The following CNR1 variants were observed in gnomAD, a reference collection of about 807,000 sequenced individuals.
CNR1 encodes cannabinoid receptor 1 (brain).
Under a neutral mutation model 23.0 loss-of-function variants are expected in CNR1, and 10 were observed. That is an observed-to-expected ratio of 0.43 (90% confidence interval 0.27 to 0.74). CNR1 has a LOEUF of 0.74. CNR1 is among the 30% of genes least tolerant of loss of function. The pLI, the probability that CNR1 is intolerant of heterozygous loss-of-function variation, is 0.19. For synonymous variants in CNR1, 271 were observed against 255.2 expected, an observed-to-expected ratio of 1.06 and a Z score of -0.59; for missense variants, 422 against 618.8, an observed-to-expected ratio of 0.68 and a Z score of 3.37.
In CNR1 at chr6:88,145,090, A is replaced by G. The variant is rs191458319; in HGVS notation, c.185T>C (p.Met62Thr). The change falls in exon 2 of 2, where the codon ATG (methionine) becomes ACG (threonine). Residue 62 changes from methionine to threonine, a missense_variant. Physicochemically the swap from Met to Thr is moderately conservative, Grantham distance 81 (BLOSUM62 -1). Around this residue, in one of 4 missense-constraint regions of CNR1, gnomAD observed 120 missense variants for 117.6 expected, o/e 1.02. Coordinates refer to ENST00000369501, the MANE Select transcript of CNR1 (RefSeq NM_016083.6). ...TAGCTGGGGGTTGTCTCCCGCAGTC[A>G]TCTTCTCTTGGAAGGGACTTCCCCT... ...SFRGSPFQEK[M>T]TAGDNPQLVP... The G allele has an allele frequency of 5.0e-6, 8 of 1,614,208 alleles. No homozygotes were observed. In the Admixed American group the frequency reaches 1.0e-4, roughly 20 times the overall value.
At chr6:88,150,743 T>C (rs1777475693) in intron 1 of CNR1, among the ~76,000 whole-genome samples, 1 of 152,222 alleles carries the variant, frequency 6.6e-6, no homozygotes, top group Non-Finnish European at 1.5e-5. Context: ...AAAGCTAGGT[T>C]TGTGGATGTG....
chr6:88,157,977 C>G (rs1028708061), intron 1 of CNR1, among the ~76,000 whole-genome samples: 1 of 152,116 alleles, frequency 6.6e-6, no homozygotes, highest in Non-Finnish European at 1.5e-5. Flanking sequence ...TTTATTATTG[C>G]GTAAATCCGG....
chr6:88,148,633 C>A (rs750133604), intron 1 of CNR1, among the ~76,000 whole-genome samples: 1 of 152,024 alleles, frequency 6.6e-6, no homozygotes, highest in Non-Finnish European at 1.5e-5. Flanking sequence ...TAGAAATATG[C>A]TCTATTTAGG....
chr6:88,158,671 C>T (rs545666762), intron 1 of CNR1, among the ~76,000 whole-genome samples: 1 of 152,096 alleles, frequency 6.6e-6, no homozygotes, highest in Non-Finnish European at 1.5e-5. Context: ...TTAAGAACCA[C>T]TGTGAAAGAT....
At chr6:88,150,019 C>T (rs1015127058) in intron 1 of CNR1, among the ~76,000 whole-genome samples, 1 of 152,132 alleles carries the variant, frequency 6.6e-6, no homozygotes, top group African/African-American at 2.4e-5. Flanking sequence ...TTAGGTGGTA[C>T]CTTAAAACAG....
In CNR1 at chr6:88,145,092, C is replaced by T; in HGVS notation, c.183G>A (p.Lys61=). The T allele has an allele frequency of 6.2e-7, 1 of 1,614,184 alleles. No individual in the cohort carries two copies. Among genetic ancestry groups the T allele is most frequent in the Non-Finnish European group, 8.5e-7 (1 of 1,180,038 alleles). The change falls in exon 2 of 2, where the codon AAG becomes AAA. Residue 61 remains lysine (K), a synonymous_variant. Transcript: ENST00000369501. Reference sequence around the variant, plus strand: ...GCTGGGGGTTGTCTCCCGCAGTCATCTTCTCTTGGAAGGGACTTCCCCTAA... The same window carrying T: ...GCTGGGGGTTGTCTCCCGCAGTCATTTTCTCTTGGAAGGGACTTCCCCTAA... ...TSFRGSPFQE[K]MTAGDNPQLV... is the part of the protein sequence containing the mutation.
At chr6:88,158,006 T>C (rs1777890299) in intron 1 of CNR1, among the ~76,000 whole-genome samples, 1 of 152,216 alleles carries the variant, frequency 6.6e-6, no homozygotes, top group African/African-American at 2.4e-5. Flanking sequence ...TCAGACATTA[T>C]TTTAAGAACT....
In CNR1 at chr6:88,144,606, G is replaced by A. The variant is rs574184590; in HGVS notation, c.669C>T (p.Ala223=). Residue 223 remains alanine, a synonymous_variant, in exon 2 of 2, where the codon GCC becomes GCT. Transcript: ENST00000369501. The surrounding 1 kb of genome is among the most constrained non-coding windows in gnomAD (Gnocchi z 7.8). ...DRYISIHRPL[A]YKRIVTRPKA... is the part of the protein sequence containing the mutation. ...TGGGCCTGGTGACAATCCTCTTATA[G>A]GCCAGGGGCCTGTGAATGGATATGT... 1.1e-5 allele frequency: 18 copies of A among 1,614,240 alleles called. No individual in the cohort carries two copies. The South Asian group carries it at 1.8e-4, about 16-fold the overall frequency.
At chr6:88,156,741 C>T (rs547611612) in intron 1 of CNR1, among the ~76,000 whole-genome samples, 1 of 152,272 alleles carries the variant, frequency 6.6e-6, no homozygotes, top group African/African-American at 2.4e-5. Context: ...GTATTCAATA[C>T]CTGTTTACTA....
intron 1 of CNR1, among the ~76,000 whole-genome samples, chr6:88,148,566 G>T (rs534036546): frequency 1.3e-5 from 2 of 152,106 alleles, no homozygotes; most frequent in African/African-American, 4.8e-5. Flanking sequence ...AAAAAAAAAT[G>T]ATCATGTAAC....
intron 1 of CNR1, among the ~76,000 whole-genome samples, chr6:88,147,256 G>A (rs942856352): frequency 2.6e-5 from 4 of 152,244 alleles, no homozygotes; most frequent in African/African-American, 9.6e-5. Flanking sequence ...AGGTTGCAGT[G>A]AGGCGAGATT....
chr6:88,152,146 C>A (rs552761703), intron 1 of CNR1, among the ~76,000 whole-genome samples: 1 of 142,400 alleles, frequency 7.0e-6, no homozygotes, highest in Non-Finnish European at 1.5e-5. Context: ...ACCCGGGAGG[C>A]GGAGCTTGCA....
rs1778346151 is a variant in CNR1, at chr6:88,165,899, AC to A, written c.-161del. On this transcript the variant is annotated 5_prime_UTR_variant, in exon 1 of 2. Transcript: ENST00000369501. ...CGCTAGAACGAAATATCCCCCACTG[AC>A]TACGGAGAGCTCTGCAGGGAGCCGA... is the stretch of plus-strand genomic sequence containing the variant. 6.6e-6 allele frequency: 1 copy of A among 152,530 alleles called. No homozygotes were observed. The highest frequency in any genetic ancestry group is 2.1e-4 in the South Asian group (1 of 4,844). The allele number at this position is 152,530 out of a possible 1,614,324, so 9.4% of individuals were successfully genotyped here. A position where few individuals can be genotyped will look rare whatever the true frequency, so the allele number is the denominator to read the frequency against.
At chr6:88,157,168 A>G (rs557826990) in intron 1 of CNR1, among the ~76,000 whole-genome samples, 16 of 152,210 alleles carry the variant, frequency 1.1e-4, no homozygotes, top group Non-Finnish European at 1.9e-4. Flanking sequence ...CTTTAAAGAC[A>G]ATATATGAAA....
chr6:88,145,682 C>T (rs1357261715), intron 1 of CNR1, among the ~76,000 whole-genome samples: 1 of 152,166 alleles, frequency 6.6e-6, no homozygotes, highest in Non-Finnish European at 1.5e-5. Flanking sequence ...TTCATAGTCA[C>T]GTTAGGAAGT....
At chr6:88,167,220 G>A (rs1002722970), upstream of CNR1, among the ~76,000 whole-genome samples, 2 of 151,658 alleles carry the variant, frequency 1.3e-5, no homozygotes, top group Non-Finnish European at 2.9e-5. Flanking sequence ...CCCCACTCCA[G>A]GGCCGGACTG....
intron 1 of CNR1, chr6:88,162,813 T>C (rs1778173173): frequency 6.6e-6 from 1 of 152,176 alleles, no homozygotes; most frequent in African/African-American, 2.4e-5. Flanking sequence ...CCTAGCACAG[T>C]GTTTCAAACA....
chr6:88,145,169 C>G lies in CNR1; in HGVS notation c.106G>C (p.Asp36His). 4.3e-6 allele frequency: 7 copies of G among 1,614,130 alleles called. No homozygotes were observed. Among genetic ancestry groups the G allele is most frequent in the Non-Finnish European group, 5.1e-6 (6 of 1,180,006 alleles). The part of the protein sequence containing the change: ...NDIQYEDIKG[D>H]MASKLGYFPQ... ...AAGTACCCTAATTTGGATGCCATGT[C>G]ACCTTTGATGTCTTCGTACTGAATG... Residue 36 changes from aspartate to histidine, a missense_variant, in exon 2 of 2, where the codon GAC (aspartate) becomes CAC (histidine). Around this residue, in one of 4 missense-constraint regions of CNR1, gnomAD observed 120 missense variants for 117.6 expected, o/e 1.02. Coordinates refer to ENST00000369501, the MANE Select transcript of CNR1 (RefSeq NM_016083.6).
intron 1 of CNR1, among the ~76,000 whole-genome samples, chr6:88,157,600 A>G (rs1305097708): frequency 1.3e-5 from 2 of 152,218 alleles, no homozygotes. Context: ...TTCTGCCTCA[A>G]GAAAGTAATT....
Sources: gnomAD v4.1 joint callset for allele counts (sites outside exome capture counted in the v4.1 genomes callset) on GRCh38, gnomAD v4.1.1 for gene constraint, gnomAD v4.1.1 regional missense constraint, Gnocchi (gnomAD v3.1) non-coding constraint, MANE v1.5 for transcripts, NCBI Gene and HGNC (gene_info 2026-07-23, HGNC 2026-07-21) for gene names.